The following GPR137B variants were observed in gnomAD, a reference collection of about 807,000 sequenced individuals.
The protein encoded by GPR137B is integral membrane protein GPR137B.
In GPR137B, 42 loss-of-function variants were observed where a neutral mutation model predicts 42.5. The observed-to-expected ratio is 0.99, with a 90% CI of 0.77 to 1.28. The LOEUF (loss-of-function observed/expected upper bound fraction) is 1.28, where lower values mean the gene tolerates loss of function less well. GPR137B is among the 50% of genes most tolerant of loss of function. GPR137B has a pLI of 0.00. For missense variants in GPR137B, 487 were observed against 493.9 expected, an observed-to-expected ratio of 0.99 and a Z score of 0.13; for synonymous variants, 218 against 209.7, an observed-to-expected ratio of 1.04 and a Z score of -0.34.
chr1:236,191,766 C>G (rs140478537), intron 5 of GPR137B, among the ~76,000 whole-genome samples: 2,731 of 152,298 alleles, frequency 0.018, 86 homozygotes, highest in African/African-American at 0.06. Flanking sequence ...CTGTCAGCCC[C>G]TACTGGGAGG....
At chr1:236,178,785 GTTTTTT>G (rs3082534) in intron 3 of GPR137B, 149 bp downstream of exon 3, 2,191 of 49,494 alleles carry the variant, frequency 0.044, 146 homozygotes, top group African/African-American at 0.12. Context: ...GCTACTCGAG[GTTTTTT>G]TTTTTTTTTT....
intron 1 of GPR137B, among the ~76,000 whole-genome samples, chr1:236,161,886 T>C (rs1662212753): frequency 6.6e-6 from 1 of 152,210 alleles, no homozygotes; most frequent in Non-Finnish European, 1.5e-5. Flanking sequence ...GGTATGTCTT[T>C]ATCAGCAGTG....
chr1:236,204,062 C>T (rs1663578722), intron 5 of GPR137B, among the ~76,000 whole-genome samples: 1 of 152,122 alleles, frequency 6.6e-6, no homozygotes, highest in African/African-American at 2.4e-5. Context: ...TCATATATGG[C>T]TTGTATTATG....
At chr1:236,205,301 A>G in intron 6 of GPR137B, 51 bp downstream of exon 6, 1 of 1,522,600 alleles carries the variant, frequency 6.6e-7, no homozygotes, top group East Asian at 2.3e-5. Flanking sequence ...GAAGGGTTAC[A>G]CCAGTTAAAT....
chr1:236,143,063 C>T (rs1176038403), intron 1 of GPR137B, 27 bp downstream of exon 1: 4 of 1,574,508 alleles, frequency 2.5e-6, no homozygotes, highest in South Asian at 1.2e-5. Flanking sequence ...CTCCTGGAGG[C>T]GCTCACCTGG....
chr1:236,172,593 G>A (rs1183677155), intron 2 of GPR137B, among the ~76,000 whole-genome samples: 1 of 151,840 alleles, frequency 6.6e-6, no homozygotes, highest in Non-Finnish European at 1.5e-5. Context: ...TAAGAAATGT[G>A]AACATTTGGC....
intron 1 of GPR137B, among the ~76,000 whole-genome samples, chr1:236,152,326 G>C (rs1232669317): frequency 6.6e-6 from 1 of 152,046 alleles, no homozygotes; most frequent in African/African-American, 2.4e-5. Context: ...GCCAAGCATA[G>C]TGGCATGCAC....
chr1:236,200,547 T>G (rs1401644968), intron 5 of GPR137B, among the ~76,000 whole-genome samples: 1 of 152,032 alleles, frequency 6.6e-6, no homozygotes, highest in Non-Finnish European at 1.5e-5. Flanking sequence ...GCATATATAT[T>G]TAGGATTGTG....
intron 2 of GPR137B, among the ~76,000 whole-genome samples, chr1:236,177,183 CTGAG>C (rs1361730964): frequency 6.6e-6 from 1 of 152,120 alleles, no homozygotes; most frequent in Non-Finnish European, 1.5e-5. Flanking sequence ...TCGGATTAGC[CTGAG>C]TAAGTGGGGG....
intron 5 of GPR137B, 47 bp from the exon 6 acceptor site, chr1:236,205,078 CA>C: frequency 2.0e-6 from 3 of 1,529,696 alleles, no homozygotes; most frequent in Non-Finnish European, 2.7e-6. Flanking sequence ...TTGTCTGGTG[CA>C]AGGCATGATG....
chr1:236,153,547 C>A (rs867340297), intron 1 of GPR137B, among the ~76,000 whole-genome samples: 1 of 152,182 alleles, frequency 6.6e-6, no homozygotes, highest in South Asian at 2.1e-4. Context: ...TAGGTTGTTT[C>A]ATCATGCGCG....
intron 2 of GPR137B, among the ~76,000 whole-genome samples, chr1:236,175,296 TGGA>T (rs1045516889): frequency 6.6e-6 from 1 of 152,042 alleles, no homozygotes; most frequent in African/African-American, 2.4e-5. Flanking sequence ...GCTGAGTAAG[TGGA>T]GGAGGAGAGG....
intron 1 of GPR137B, among the ~76,000 whole-genome samples, chr1:236,158,704 GA>G (rs1380546469): frequency 1.3e-5 from 2 of 152,176 alleles, no homozygotes; most frequent in Admixed American, 6.6e-5. Flanking sequence ...GTCTCCTCAG[GA>G]GTCTCAGCCC....
chr1:236,187,036 G>A (rs755187224), intron 5 of GPR137B, among the ~76,000 whole-genome samples: 5 of 152,062 alleles, frequency 3.3e-5, no homozygotes, highest in African/African-American at 7.2e-5. Context: ...TTTAATGATC[G>A]CCATTCTAAC....
chr1:236,201,549 C>G (rs762821780), intron 5 of GPR137B, among the ~76,000 whole-genome samples: 1 of 151,906 alleles, frequency 6.6e-6, no homozygotes, highest in Non-Finnish European at 1.5e-5. Flanking sequence ...CTACTTGATT[C>G]TATTGTTGAA....
chr1:236,197,217 C>T (rs1246197855), intron 5 of GPR137B, among the ~76,000 whole-genome samples: 1 of 151,878 alleles, frequency 6.6e-6, no homozygotes, highest in Admixed American at 6.5e-5. Context: ...CCTTAGCCCA[C>T]TTTTGGATGG....
chr1:236,164,641 G>C (rs751347735), intron 1 of GPR137B, among the ~76,000 whole-genome samples: 2 of 152,120 alleles, frequency 1.3e-5, no homozygotes, highest in African/African-American at 4.8e-5. Context: ...TTAGATTTTT[G>C]TTTTTGAAAA....
At chr1:236,161,557 G>T (rs192581619) in intron 1 of GPR137B, among the ~76,000 whole-genome samples, 2 of 138,090 alleles carry the variant, frequency 1.4e-5, no homozygotes, top group Non-Finnish European at 3.1e-5. Context: ...CACACCTCCT[G>T]TTATGGTTTG....
At chr1:236,173,079 G>GC (rs1311809712) in intron 2 of GPR137B, among the ~76,000 whole-genome samples, 4 of 151,376 alleles carry the variant, frequency 2.6e-5, no homozygotes, top group African/African-American at 9.7e-5. Context: ...CATCACTTGA[G>GC]CCCAGGAGTT....
Sources: allele counts gnomAD v4.1 joint callset (sites outside exome capture counted in the v4.1 genomes callset), GRCh38; gene constraint gnomAD v4.1.1; transcripts MANE v1.5; gene names NCBI Gene and HGNC (gene_info 2026-07-23, HGNC 2026-07-21).